The following SPG7 variants were observed in gnomAD, a reference collection of about 807,000 sequenced individuals.
The protein encoded by SPG7 is mitochondrial inner membrane m-AAA protease component paraplegin.
A neutral mutation model predicts 81.9 loss-of-function variants in SPG7; 103 were observed. The observed-to-expected ratio is 1.26, with a 90% confidence interval of 1.07 to 1.48. The LOEUF is 1.48. SPG7 is among the 40% of genes most tolerant of loss of function. The pLI is 0.00. For synonymous variants in SPG7, 534 were observed against 444.2 expected (o/e 1.20, Z -2.54); for missense variants, 1,241 against 1,087.3 (o/e 1.14, Z -1.99).
At chr16:89,531,148 G>A (rs1033708867) in intron 7 of SPG7, 18 of 414,426 alleles carry the variant, frequency 4.3e-5, no homozygotes, top group South Asian at 6.4e-5. Flanking sequence ...TGCCTATCAC[G>A]TGCGTCACTT....
In SPG7 at chr16:89,530,734, G is replaced by A; in HGVS notation, c.913G>A (p.Gly305Arg). The A allele has an allele frequency of 6.2e-7, 1 of 1,614,206 alleles. No homozygotes were observed. The highest frequency in any genetic ancestry group is 8.5e-7 in the Non-Finnish European group (1 of 1,180,040). Residue 305 changes from glycine to arginine, a missense_variant, in exon 7 of 17, where the codon GGA (glycine) becomes AGA (arginine). Transcript: ENST00000645818. ...CATTGTGGATGGGAAGATGGGGAAA[G>A]GAGTCAGCTTCAAAGACGTGGCAGG... ...FTIVDGKMGK[G>R]VSFKDVAGMH...
chr16:89,542,539 C>T (rs1323637113), intron 9 of SPG7, among the ~76,000 whole-genome samples: 5 of 152,206 alleles, frequency 3.3e-5, no homozygotes, highest in East Asian at 1.9e-4. Context: ...CACATTCTGA[C>T]GTGTGGAACC....
In SPG7 at chr16:89,530,701, C is replaced by T. The variant is rs1161309952; in HGVS notation, c.880C>T (p.Arg294Cys). 3.1e-6 allele frequency: 5 copies of T among 1,613,950 alleles called. No homozygotes were observed. Among genetic ancestry groups the T allele is most frequent in the Non-Finnish European group, 3.4e-6 (4 of 1,180,018 alleles). Residue 294 changes from arginine to cysteine, a missense_variant, in exon 7 of 17, where the codon CGT becomes TGT. Arg to Cys is a radical substitution (Grantham distance 180, BLOSUM62 -3). Transcript: ENST00000645818. ...FSAFNQLKMA[R>C]FTIVDGKMGK... is the part of the protein sequence containing the mutation. ...TGCACAGAATCAGCTTAAAATGGCT[C>T]GTTTCACCATTGTGGATGGGAAGAT... is the stretch of plus-strand genomic sequence containing the variant.
chr16:89,524,266 G>T lies in SPG7; in HGVS notation c.618+19G>T. ...GCGGCCTGTGAGTGAGGGTGCGGGA[G>T]GCCTGTGAGTGAGGGTGTGGGCACA... On this transcript the variant is annotated intron_variant, in intron 4 of 16. Transcript: ENST00000645818. 7 of 1,600,428 alleles carry T rather than the reference G, an allele frequency of 4.4e-6. No individual in the cohort carries two copies. Among genetic ancestry groups the T allele is most frequent in the Non-Finnish European group, 6.0e-6 (7 of 1,173,220 alleles).
intron 2 of SPG7, among the ~76,000 whole-genome samples, chr16:89,511,338 G>A: frequency 6.6e-6 from 1 of 152,164 alleles, no homozygotes; most frequent in Non-Finnish European, 1.5e-5. Flanking sequence ...GAAACCTTGT[G>A]ACATTCTTTG....
At chr16:89,540,878 A>G (rs2058486118) in intron 9 of SPG7, 1 of 983,542 alleles carries the variant, frequency 1.0e-6, no homozygotes, top group East Asian at 1.1e-4. Flanking sequence ...GTAATAGCTA[A>G]AAACTGGAAG....
Position 89,544,871 on chromosome 16 carries a change from C to G in SPG7, c.1449+99C>G, listed in dbSNP as rs1024528381. The stretch of plus-strand genomic sequence containing the variant: ...CTCTAAGACACTTCTTGGTGTGAAG[C>G]CTGTCACAGCCCCACAGGTGCTGGC... On this transcript the variant is annotated intron_variant, in intron 10 of 16. Coordinates refer to ENST00000645818, the MANE Select transcript of SPG7 (RefSeq NM_003119.4). 93 of 1,431,274 alleles carry G rather than the reference C, an allele frequency of 6.5e-5. No individual in the cohort carries two copies. The African/African-American group carries it at 1.2e-3, about 18-fold the overall frequency. 88.7% of individuals were successfully genotyped at this position (1,431,274 alleles called of 1,614,324 possible). A position where few individuals can be genotyped will look rare whatever the true frequency, so the allele number is the denominator to read the frequency against.
At position 89,536,992 on chromosome 16, in the gene SPG7, C is replaced by G. The variant is rs567196594; in HGVS notation, c.1324+4356C>G. ...ATCTTCTCCACATAACCTCTCTGTG[C>G]CATCATAAGAATAGCTGCTTCCGCC... On this transcript the variant is annotated intron_variant, in intron 9 of 16. Coordinates refer to ENST00000645818, the MANE Select transcript of SPG7 (RefSeq NM_003119.4). The G allele has an allele frequency of 1.4e-5, 22 of 1,613,448 alleles. No homozygotes were observed. In the African/African-American group the frequency reaches 2.8e-4, roughly 21 times the overall value.
intron 9 of SPG7, 170 bp downstream of exon 9, chr16:89,532,806 C>G: frequency 1.2e-6 from 1 of 802,422 alleles, no homozygotes; most frequent in Non-Finnish European, 2.0e-6. Context: ...CTTTCAGACC[C>G]GGCGCAGTGG....
At chr16:89,513,978 G>C (rs1448674541) in intron 3 of SPG7, among the ~76,000 whole-genome samples, 1 of 152,154 alleles carries the variant, frequency 6.6e-6, no homozygotes, top group Non-Finnish European at 1.5e-5. Flanking sequence ...CGTCCTTCTT[G>C]ATTGATTTTG....
chr16:89,532,400 T>G (rs2058356347), intron 8 of SPG7, 63 bp from the exon 9 acceptor site: 2 of 1,576,168 alleles, frequency 1.3e-6, no homozygotes, highest in Non-Finnish European at 1.7e-6. Flanking sequence ...CTGGCCCGGG[T>G]ACAGGAAGAG....
rs536616736 is a variant in SPG7, at chr16:89,555,008, C to T, written c.2181+445C>T. On this transcript the variant is annotated intron_variant, in intron 16 of 16. Transcript: ENST00000645818. ...TTGGCTCACTGCAACCTCTGCCTCC[C>T]GGGTTCCAGTGATTCTCCTGCCTCA... is the stretch of plus-strand genomic sequence containing the variant. The T allele has an allele frequency of 1.4e-4, 26 of 187,408 alleles. No homozygotes were observed. In the South Asian group the frequency reaches 2.0e-3, roughly 14 times the overall value. 11.6% of individuals were successfully genotyped at this position (187,408 alleles called of 1,614,324 possible). A position where few individuals can be genotyped will look rare whatever the true frequency, so the allele number is the denominator to read the frequency against.
At chr16:89,556,374 C>A in intron 16 of SPG7, 1 of 299,664 alleles carries the variant, frequency 3.3e-6, no homozygotes. Context: ...GTGGCTGTGG[C>A]AGTGTTTTCT....
chr16:89,548,110 G>T lies in SPG7; in HGVS notation c.1660G>T (p.Ala554Ser). The T allele has an allele frequency of 6.2e-7, 1 of 1,601,052 alleles. No homozygotes were observed. Among genetic ancestry groups the T allele is most frequent in the African/African-American group, 1.3e-5 (1 of 74,958 alleles). Residue 554 changes from alanine to serine, a missense_variant, in exon 12 of 17, where the codon GCA (alanine) becomes TCA (serine). Coordinates refer to ENST00000645818, the MANE Select transcript of SPG7 (RefSeq NM_003119.4). ...NFEYAVERVL[A>S]GTAKKSKILS... Reference sequence around the variant, plus strand: ...CGAGTACGCCGTGGAGCGCGTCCTCGCAGGTACAGGGGGCGCGCCCTGGGT... The same window carrying T: ...CGAGTACGCCGTGGAGCGCGTCCTCTCAGGTACAGGGGGCGCGCCCTGGGT...
At chr16:89,513,185 G>A in intron 3 of SPG7, 148 bp downstream of exon 3, 1 of 1,182,436 alleles carries the variant, frequency 8.5e-7, no homozygotes, top group Non-Finnish European at 1.2e-6. Flanking sequence ...CGCTTTGGGA[G>A]GCCCAGGTGG....
intron 14 of SPG7, 197 bp from the exon 15 acceptor site, chr16:89,553,597 T>C (rs750498819): frequency 4.5e-5 from 27 of 600,210 alleles, no homozygotes; most frequent in Non-Finnish European, 6.2e-5. Context: ...TAAAAGAGCA[T>C]TTCGGAAAGT....
rs751679806 is a variant in SPG7 at position 89,524,027 on chromosome 16, G to A, written c.398G>A (p.Arg133Gln). ...EDEEERRRRE[R>Q]DDQMYRERLR... ...TCAGAGGAGAGGAGACGCCGTGAGC[G>A]GGACGACCAGATGTACCGAGAGCGG... The change falls in exon 4 of 17, where the codon CGG becomes CAG. Residue 133 changes from arginine (R) to glutamine (Q), a missense_variant. Arg to Gln is a conservative substitution (Grantham distance 43). Coordinates refer to ENST00000645818, the MANE Select transcript of SPG7 (RefSeq NM_003119.4). 14 of 1,612,946 alleles carry A rather than the reference G, an allele frequency of 8.7e-6. No homozygotes were observed. Among genetic ancestry groups the A allele is most frequent in the South Asian group, 3.3e-5 (3 of 91,078 alleles).
chr16:89,537,507 A>C, intron 9 of SPG7: 2 of 993,710 alleles, frequency 2.0e-6, no homozygotes, highest in Admixed American at 5.7e-5. Context: ...CACACAGAAA[A>C]GGCTGCTGTG....
intron 12 of SPG7, chr16:89,550,037 T>G (rs1284757115): frequency 3.9e-6 from 1 of 253,260 alleles, no homozygotes. Context: ...GAGTGTCGTT[T>G]TGAGTTGGGG....
Sources: allele counts gnomAD v4.1 joint callset (sites outside exome capture counted in the v4.1 genomes callset), GRCh38; gene constraint gnomAD v4.1.1; transcripts MANE v1.5; gene names NCBI Gene and HGNC (gene_info 2026-07-23, HGNC 2026-07-21).